Variants in MLXIPL observed in about 807,000 individuals in gnomAD.
MLXIPL encodes MLX interacting protein like, also known as carbohydrate-responsive element-binding protein.
MLXIPL carries 49 observed loss-of-function variants against 81.5 expected under a neutral mutation model. The observed-to-expected ratio is 0.60, with a 90% CI of 0.48 to 0.76. The LOEUF (loss-of-function observed/expected upper bound fraction) is 0.76. Ranked by LOEUF, MLXIPL falls within the 30% of genes least tolerant of loss-of-function variation. The pLI, the probability that MLXIPL is intolerant of heterozygous loss-of-function variation, is 0.00. For synonymous variants in MLXIPL, 466 were observed against 485.5 expected (o/e 0.96, Z 0.53); for missense variants, 1,053 against 1,167.0 (o/e 0.90, Z 1.42).
rs1554598794 is a variant in MLXIPL at position 73,607,680 on chromosome 7, A to T, written c.401-8T>A. ...TCTTCCTCCGCTTCACATCTGAGAGAAGGGGGCCAGGTCAGGGGCACCCAG... is the reference window on the plus strand; with the variant it reads ...TCTTCCTCCGCTTCACATCTGAGAGTAGGGGGCCAGGTCAGGGGCACCCAG... On this transcript the variant is annotated splice_region_variant and splice_polypyrimidine_tract_variant and intron_variant, in intron 2 of 16. Transcript: ENST00000313375. 3 of 1,612,810 alleles carry T rather than the reference A, an allele frequency of 1.9e-6. No homozygotes were observed. In the South Asian group the frequency reaches 3.3e-5, roughly 18 times the overall value.
chr7:73,639,037 C>CT, the MLXIPL span, among the ~76,000 whole-genome samples: 1 of 151,982 alleles, frequency 6.6e-6, no homozygotes. Flanking sequence ...AAGACTTTCC[C>CT]TTAGTGCTCT....
chr7:73,628,190 C>G (rs543620883), upstream of MLXIPL, among the ~76,000 whole-genome samples: 12 of 152,082 alleles, frequency 7.9e-5, no homozygotes, highest in African/African-American at 2.6e-4. Flanking sequence ...GTCTCCAGAT[C>G]ACCCCACCGT....
chr7:73,624,597 C>T, upstream of MLXIPL: 1 of 1,394,930 alleles, frequency 7.2e-7, no homozygotes, highest in Non-Finnish European at 9.2e-7. Context: ...CACCATAGGC[C>T]GATCGGGTGG....
At chr7:73,607,204 G>T in intron 4 of MLXIPL, 127 bp downstream of exon 4, 1 of 1,264,412 alleles carries the variant, frequency 7.9e-7, no homozygotes, top group Non-Finnish European at 1.1e-6. Flanking sequence ...GCCCGGGACT[G>T]AATGGAGGGC....
Position 73,623,741 on chromosome 7 carries a change from A to G in MLXIPL, c.293+459T>C, listed in dbSNP as rs186835485. On this transcript the variant is annotated intron_variant, in intron 1 of 16. Transcript: ENST00000313375. The surrounding 1 kb of genome is among the most constrained non-coding windows in gnomAD (Gnocchi z 5.7). ...GCTGGGAGTATCTCAGGGTCCAGGA[A>G]TAGGGCGGGCTTGGGCCGGGGCTGC... Among the ~76,000 whole-genome samples, 786 of 151,928 alleles carry G rather than the reference A, an allele frequency of 5.2e-3. 5 individuals carry two copies. The highest frequency in any genetic ancestry group is 8.7e-3 in the Non-Finnish European group (593 of 67,926).
At chr7:73,607,854 T>C (rs1448172234) in intron 2 of MLXIPL, among the ~76,000 whole-genome samples, 182 bp from the exon 3 acceptor site, 3 of 95,190 alleles carry the variant, frequency 3.2e-5, no homozygotes, top group African/African-American at 1.4e-4. Context: ...TAGATCTTCC[T>C]TTTTTTTTTT....
rs1307970748 is a variant in MLXIPL at position 73,606,706 on chromosome 7, G to A, written c.618+268C>T. On this transcript the variant is annotated intron_variant, in intron 5 of 16. Coordinates refer to ENST00000313375, the MANE Select transcript of MLXIPL (RefSeq NM_032951.3). ...CTCCCAAAGTGCTGGGATGACAGGCGTGAGCCACCACGCCCGGCCTGGTCC... is the reference window on the plus strand; with the variant it reads ...CTCCCAAAGTGCTGGGATGACAGGCATGAGCCACCACGCCCGGCCTGGTCC... 1.7e-5 allele frequency: 8 copies of A among 471,400 alleles called. No individual in the cohort carries two copies. The East Asian group carries it at 3.3e-4, about 19-fold the overall frequency. The allele number at this position is 471,400 out of a possible 1,614,324, so 29.2% of individuals were successfully genotyped here. A position where few individuals can be genotyped will look rare whatever the true frequency, so the allele number is the denominator to read the frequency against.
chr7:73,605,817 G>A (rs371353994), intron 6 of MLXIPL, 49 bp from the exon 7 acceptor site: 6 of 1,598,050 alleles, frequency 3.8e-6, no homozygotes, highest in Non-Finnish European at 5.1e-6. Flanking sequence ...GGAGGAGCAG[G>A]GTCCCCACCC....
At chr7:73,624,819 A>G (rs1282887465), upstream of MLXIPL, among the ~76,000 whole-genome samples, 3 of 152,128 alleles carry the variant, frequency 2.0e-5, no homozygotes, top group Non-Finnish European at 4.4e-5. Context: ...GCACTTTAGG[A>G]GGCCAAGGCG....
At chr7:73,645,296 G>C in the MLXIPL span, among the ~76,000 whole-genome samples, 1 of 152,222 alleles carries the variant, frequency 6.6e-6, no homozygotes, top group African/African-American at 2.4e-5. Context: ...CCAAAGTGTT[G>C]AGATTACAGG....
intron 7 of MLXIPL, 111 bp from the exon 8 acceptor site, chr7:73,599,806 T>G (rs531034776): frequency 1.9e-6 from 2 of 1,078,160 alleles, no homozygotes; most frequent in South Asian, 3.0e-5. Flanking sequence ...ACATGGGGAC[T>G]GGCGGGCAGA....
chr7:73,606,801 C>G (rs1795316461), intron 5 of MLXIPL, 173 bp downstream of exon 5: 9 of 743,916 alleles, frequency 1.2e-5, no homozygotes, highest in East Asian at 8.4e-5. Flanking sequence ...ACCCTCACCC[C>G]CCAAGAAGAG....
In MLXIPL at chr7:73,607,585, G is replaced by C. The variant is rs781893221; in HGVS notation, c.483+5C>G. 12 of 1,612,608 alleles carry C rather than the reference G, an allele frequency of 7.4e-6. No homozygotes were observed. The East Asian group carries it at 2.0e-4, about 27-fold the overall frequency. On this transcript the variant is annotated splice_donor_5th_base_variant and intron_variant, in intron 3 of 16. Transcript: ENST00000313375. ...AGGTGGGCAGGCGGTCCAGAACCCA[G>C]CTACCTCCGGCTTCCGGTGCGCATC...
chr7:73,605,645 A>G (rs61010704), intron 7 of MLXIPL, 43 bp downstream of exon 7: 421,510 of 1,600,294 alleles, frequency 0.26, 57,775 homozygotes, highest in African/African-American at 0.33. Context: ...TTCCTCACAC[A>G]GACCCTGCCC....
chr7:73,594,143 G>T, intron 16 of MLXIPL, 131 bp downstream of exon 16: 1 of 1,472,114 alleles, frequency 6.8e-7, no homozygotes, highest in South Asian at 1.1e-5. Context: ...AGGACCATCT[G>T]GGGGATGCGG....
chr7:73,601,166 T>TGCAG (rs1476654264), intron 7 of MLXIPL, among the ~76,000 whole-genome samples: 2 of 143,948 alleles, frequency 1.4e-5, no homozygotes. Flanking sequence ...CAGAACCCAC[T>TGCAG]GCAGGGTCAA....
chr7:73,636,924 G>A, the MLXIPL span, among the ~76,000 whole-genome samples: 1 of 152,008 alleles, frequency 6.6e-6, no homozygotes, highest in East Asian at 1.9e-4. Flanking sequence ...GCTGGGCATG[G>A]TGGCGGATGC....
the MLXIPL span, among the ~76,000 whole-genome samples, chr7:73,635,970 C>T: frequency 2.0e-5 from 3 of 152,188 alleles, no homozygotes; most frequent in East Asian, 5.8e-4. Flanking sequence ...GCTCAGTATG[C>T]AGAGTGAGGC....
chr7:73,635,662 T>A, the MLXIPL span, among the ~76,000 whole-genome samples: 11 of 151,594 alleles, frequency 7.3e-5, no homozygotes, highest in Middle Eastern at 0.014. Context: ...ATCTCTTCTA[T>A]CTATCCATCC....
Sources: gnomAD v4.1 joint callset for allele counts (sites outside exome capture counted in the v4.1 genomes callset) on GRCh38, gnomAD v4.1.1 for gene constraint, Gnocchi (gnomAD v3.1) non-coding constraint, MANE v1.5 for transcripts, NCBI Gene and HGNC (gene_info 2026-07-23, HGNC 2026-07-21) for gene names.